The following CPA6 variants were observed in gnomAD, a reference collection of about 807,000 sequenced individuals.
CPA6 encodes carboxypeptidase B.
Under a neutral mutation model 63.3 loss-of-function variants are expected in CPA6, and 58 were observed. The observed-to-expected ratio is 0.92, with a 90% CI of 0.74 to 1.14. The LOEUF (loss-of-function observed/expected upper bound fraction) is 1.14, where lower values mean the gene tolerates loss of function less well. CPA6 is among the 50% of genes most tolerant of loss of function. The pLI, the probability that CPA6 is intolerant of heterozygous loss-of-function variation, is 0.00. For synonymous variants in CPA6, 185 were observed against 179.0 expected (o/e 1.03, Z -0.27); for missense variants, 565 against 526.6 (o/e 1.07, Z -0.71).
chr8:67,482,803 C>T (rs769726837), intron 8 of CPA6, among the ~76,000 whole-genome samples: 14 of 152,178 alleles, frequency 9.2e-5, no homozygotes, highest in Non-Finnish European at 1.8e-4. Flanking sequence ...TAGAATCAGA[C>T]TACATTTGTC....
chr8:67,639,803 G>A (rs1815548794), intron 1 of CPA6, among the ~76,000 whole-genome samples: 2 of 151,512 alleles, frequency 1.3e-5, no homozygotes, highest in Admixed American at 1.3e-4. Flanking sequence ...GGAAGAATGA[G>A]GTACGCAGAC....
At chr8:67,545,589 TGG>T (rs1812800290) in intron 2 of CPA6, among the ~76,000 whole-genome samples, 2 of 142,910 alleles carry the variant, frequency 1.4e-5, no homozygotes, top group Admixed American at 7.0e-5. Context: ...TTTTTTGAGA[TGG>T]AGTTTTGCTC....
intron 1 of CPA6, among the ~76,000 whole-genome samples, chr8:67,666,148 T>A (rs775564501): frequency 6.6e-6 from 1 of 152,228 alleles, no homozygotes; most frequent in Non-Finnish European, 1.5e-5. Flanking sequence ...ACATGACCTC[T>A]TCAAGAGTTC....
Position 67,639,147 on chromosome 8 carries a change from G to A in CPA6, c.117-14896C>T, listed in dbSNP as rs78694539. Among the ~76,000 whole-genome samples, 927 of 151,696 alleles carry A rather than the reference G, an allele frequency of 6.1e-3. 35 individuals are homozygous for A. Among genetic ancestry groups the A allele is most frequent in the African/African-American group, 0.02 (822 of 41,000 alleles). On this transcript the variant is annotated intron_variant, in intron 1 of 10. Transcript: ENST00000297770. Reference sequence around the variant, plus strand: ...TGTCAGATAGTGCAGGGGTTGGAAAGTTTTTCTGTAAAGAGCCCCGTGGTA... The same window carrying A: ...TGTCAGATAGTGCAGGGGTTGGAAAATTTTTCTGTAAAGAGCCCCGTGGTA...
chr8:67,573,096 C>A (rs1046016615), intron 2 of CPA6, among the ~76,000 whole-genome samples: 42 of 152,256 alleles, frequency 2.8e-4, no homozygotes, highest in Non-Finnish European at 5.0e-4. Flanking sequence ...AACCACTCAA[C>A]AAATTAGGTA....
rs1809785854 is a variant in CPA6, at chr8:67,422,507, G to C, written c.1311C>G (p.Pro437=). ...TTGACCTGAGCCTTGGGCTGTCTCA[G>C]GGACATTTCTTTAGCAGGTGCATTG... is the stretch of plus-strand genomic sequence containing the variant. The part of the protein sequence containing the change: ...NITMHLLKKC[P] The change falls in exon 11 of 11, where the codon CCC becomes CCG. Residue 437 remains proline (P), a synonymous_variant. Transcript: ENST00000297770. 1 of 1,613,670 alleles carries C rather than the reference G, an allele frequency of 6.2e-7. No homozygotes were observed. Among genetic ancestry groups the C allele is most frequent in the East Asian group, 2.2e-5 (1 of 44,878 alleles).
At chr8:67,439,589 C>CAA (rs199857229) in intron 8 of CPA6, among the ~76,000 whole-genome samples, 22,252 of 118,342 alleles carry the variant, frequency 0.19, 1,820 homozygotes, top group East Asian at 0.28. Flanking sequence ...GACTCGGTCT[C>CAA]AAAAAAAAAA....
At chr8:67,469,987 A>G (rs1295734919) in intron 8 of CPA6, among the ~76,000 whole-genome samples, 2 of 150,336 alleles carry the variant, frequency 1.3e-5, no homozygotes, top group African/African-American at 2.5e-5. Context: ...GAAGGCATTC[A>G]TTTCATATTT....
At chr8:67,586,932 G>A (rs953147353) in intron 2 of CPA6, among the ~76,000 whole-genome samples, 1 of 152,206 alleles carries the variant, frequency 6.6e-6, no homozygotes, top group South Asian at 2.1e-4. Context: ...ATTGGTAATA[G>A]TATGATTGTT....
intron 1 of CPA6, chr8:67,735,074 C>T (rs1003504163): frequency 3.5e-4 from 54 of 152,204 alleles, no homozygotes; most frequent in African/African-American, 1.2e-3. Context: ...AAATACATGA[C>T]GTGTGTGTTA....
At chr8:67,547,726 C>G (rs565672000) in intron 2 of CPA6, among the ~76,000 whole-genome samples, 17 of 152,132 alleles carry the variant, frequency 1.1e-4, no homozygotes, top group Non-Finnish European at 2.2e-4. Flanking sequence ...AACTCCTGGG[C>G]TCATGCAATC....
At position 67,746,324 on chromosome 8, in the gene CPA6, G is replaced by A. The variant is rs1227565149; in HGVS notation, c.-195C>T. ...TTCAGGCAGCTGAGGAAGGGAAGTT[G>A]CTATTACGACTTGGTCTTGGGACAA... On this transcript the variant is annotated 5_prime_UTR_variant, in exon 1 of 11. Coordinates refer to ENST00000297770, the MANE Select transcript of CPA6 (RefSeq NM_020361.5). 4.4e-6 allele frequency: 2 copies of A among 459,498 alleles called. No homozygotes were observed. The highest frequency in any genetic ancestry group is 7.9e-6 in the Non-Finnish European group (2 of 253,046). The allele number at this position is 459,498 out of a possible 1,614,324, so 28.5% of individuals were successfully genotyped here.
At chr8:67,460,084 C>A (rs138172533) in intron 8 of CPA6, among the ~76,000 whole-genome samples, 2 of 152,174 alleles carry the variant, frequency 1.3e-5, no homozygotes, top group African/African-American at 4.8e-5. Context: ...CCTCTGGGAG[C>A]GTGACCTGGG....
Position 67,511,655 on chromosome 8 carries a change from C to T in CPA6, c.318G>A (p.Lys106=). Residue 106 remains lysine, a splice_region_variant and synonymous_variant, in exon 4 of 11, where the codon AAG becomes AAA. Transcript: ENST00000297770. Reference sequence around the variant, plus strand: ...TTTTCTGAAGATCTTCTATGAGGACCCTGAATTTGGAATGACAGACATGAT... The same window carrying T: ...TTTTCTGAAGATCTTCTATGAGGACTCTGAATTTGGAATGACAGACATGAT... ...AFLQEANIQY[K]VLIEDLQKTL... 4 of 1,571,288 alleles carry T rather than the reference C, an allele frequency of 2.5e-6. No homozygotes were observed. Among genetic ancestry groups the T allele is most frequent in the Non-Finnish European group, 3.5e-6 (4 of 1,141,988 alleles).
rs1166367674 is a variant in CPA6 at position 67,475,823 on chromosome 8, TTTTCTTTCTTTCTTTCTTTC to T, written c.838+7925_838+7944del. The stretch of plus-strand genomic sequence containing the variant: ...TTTCTTTCTTTCTTTCTTTCCTTTC[TTTTCTTTCTTTCTTTCTTTC>T]TTTCTTTCTTTCTTTCTTTCTTTCT... On this transcript the variant is annotated intron_variant, in intron 8 of 10. Coordinates refer to ENST00000297770, the MANE Select transcript of CPA6 (RefSeq NM_020361.5). Among the ~76,000 whole-genome samples the T allele has an allele frequency of 4.3e-4, 20 of 45,984 alleles. 1 individual carries two copies. Among genetic ancestry groups the T allele is most frequent in the African/African-American group, 6.2e-4 (6 of 9,706 alleles). The allele number at this position is 45,984 out of a possible 152,430, so 30.2% of individuals were successfully genotyped here.
intron 2 of CPA6, among the ~76,000 whole-genome samples, chr8:67,623,646 C>T (rs1422238946): frequency 6.6e-6 from 1 of 152,092 alleles, no homozygotes; most frequent in Admixed American, 6.5e-5. Flanking sequence ...GTTGCCCAGG[C>T]TGGCCTTGAA....
intron 2 of CPA6, among the ~76,000 whole-genome samples, chr8:67,599,420 A>G (rs1041861181): frequency 4.6e-5 from 7 of 152,174 alleles, no homozygotes; most frequent in African/African-American, 1.7e-4. Flanking sequence ...CCCCTCTGGA[A>G]GAATCCTCCT....
intron 8 of CPA6, among the ~76,000 whole-genome samples, chr8:67,435,564 C>T (rs1311128699): frequency 1.3e-5 from 2 of 151,978 alleles, no homozygotes; most frequent in Non-Finnish European, 2.9e-5. Flanking sequence ...CACTATTGGA[C>T]TTAGGAGTGC....
intron 2 of CPA6, among the ~76,000 whole-genome samples, chr8:67,575,829 G>A (rs1813610119): frequency 1.4e-5 from 2 of 147,134 alleles, no homozygotes; most frequent in South Asian, 2.1e-4. Context: ...GCAACAGAGT[G>A]AGACTCTGTC....
Sources: allele counts gnomAD v4.1 joint callset (sites outside exome capture counted in the v4.1 genomes callset), GRCh38; gene constraint gnomAD v4.1.1; transcripts MANE v1.5; gene names NCBI Gene and HGNC (gene_info 2026-07-23, HGNC 2026-07-21).